The following AK9 variants were observed in gnomAD, a reference collection of about 807,000 sequenced individuals.
AK9 encodes adenylate kinase 9.
A neutral mutation model predicts 239.6 loss-of-function variants in AK9; 191 were observed. The observed-to-expected ratio is 0.80, with a 90% CI of 0.71 to 0.90. The LOEUF (loss-of-function observed/expected upper bound fraction) is 0.90. Among genes scored for constraint, AK9 ranks in the 40% least tolerant of loss-of-function variants. AK9 has a pLI of 0.00. For synonymous variants in AK9, 689 were observed against 721.0 expected (o/e 0.96, Z 0.71); for missense variants, 1,995 against 2,214.7 (o/e 0.90, Z 1.99).
At chr6:109,549,288 C>G (rs888676605) in intron 25 of AK9, among the ~76,000 whole-genome samples, 32 of 152,234 alleles carry the variant, frequency 2.1e-4, no homozygotes, top group African/African-American at 7.7e-4. Context: ...TCAGGATGGA[C>G]TTACCCCTAT....
In AK9 at chr6:109,551,517, C is replaced by CAAA. The variant is rs34978650; in HGVS notation, c.2752-1218_2752-1216dup. Among the ~76,000 whole-genome samples, 117 of 123,820 alleles carry CAAA rather than the reference C, an allele frequency of 9.4e-4. 1 individual carries two copies. The highest frequency in any genetic ancestry group is 3.5e-3 in the African/African-American group (112 of 32,358). The allele number at this position is 123,820 out of a possible 152,430, so 81.2% of individuals were successfully genotyped here. ...AGGGTGACAGAGTGAGACTCCATCT[C>CAAA]AAAAAAAAAAAAAAAATGCAAGCTT... On this transcript the variant is annotated intron_variant, in intron 24 of 40. Transcript: ENST00000424296.
In AK9 at chr6:109,586,038, G is replaced by A. The variant is rs764386967; in HGVS notation, c.1877C>T (p.Ala626Val). The A allele has an allele frequency of 1.4e-5, 21 of 1,550,890 alleles. No homozygotes were observed. Among genetic ancestry groups the A allele is most frequent in the African/African-American group, 6.9e-5 (5 of 72,974 alleles). The change falls in exon 18 of 41, where the codon GCC becomes GTC. Residue 626 changes from alanine (A) to valine (V), a missense_variant. This residue lies in a region of AK9 where 1,290 missense variants were observed against 1,392.7 expected (regional missense o/e 0.93). Coordinates refer to ENST00000424296, the MANE Select transcript of AK9 (RefSeq NM_001145128.3). ...MEENKDRFPG[A>V]PKYGGWIVDN... ...CACAATCCAGCCTCCATATTTTGGGGCACCAGGAAACCTATCCTTGTTTTC... is the reference window on the plus strand; with the variant it reads ...CACAATCCAGCCTCCATATTTTGGGACACCAGGAAACCTATCCTTGTTTTC...
At chr6:109,581,720 G>A (rs1220958303) in intron 19 of AK9, among the ~76,000 whole-genome samples, 1 of 152,202 alleles carries the variant, frequency 6.6e-6, no homozygotes, top group Non-Finnish European at 1.5e-5. Flanking sequence ...GCTGCAATAA[G>A]TTATTTAGAA....
chr6:109,562,917 AGAATCT>A (rs1172097563), intron 24 of AK9, among the ~76,000 whole-genome samples: 2 of 152,198 alleles, frequency 1.3e-5, no homozygotes, highest in Non-Finnish European at 2.9e-5. Flanking sequence ...ATGAAAGAAA[AGAATCT>A]GAATCTGAGT....
chr6:109,658,673 T>C (rs1800022823), intron 7 of AK9, among the ~76,000 whole-genome samples: 1 of 152,182 alleles, frequency 6.6e-6, no homozygotes, highest in Non-Finnish European at 1.5e-5. Flanking sequence ...ATATATTTAA[T>C]TAAATATATT....
At chr6:109,557,113 C>T (rs1326353562) in intron 24 of AK9, among the ~76,000 whole-genome samples, 4 of 152,042 alleles carry the variant, frequency 2.6e-5, no homozygotes, top group Admixed American at 6.6e-5. Context: ...TTTCTATCTT[C>T]GTGAGTTTGT....
At chr6:109,638,205 C>T (rs1796956212) in intron 10 of AK9, among the ~76,000 whole-genome samples, 1 of 152,160 alleles carries the variant, frequency 6.6e-6, no homozygotes, top group African/African-American at 2.4e-5. Flanking sequence ...AAATTTCCTG[C>T]AGGTTTTATA....
Position 109,497,503 on chromosome 6 carries a change from A to G in AK9, c.5277T>C (p.Tyr1759=), listed in dbSNP as rs9487128. The G allele has an allele frequency of 5.3e-3, 8,472 of 1,608,172 alleles. 397 individuals carry two copies. The African/African-American group carries it at 0.1, about 19-fold the overall frequency. ...GGAGTTTTTCTTTGTTCTCACAAAT[A>G]TATATACGATTATGATATTCTAAAG... ...NYALEYHNRI[Y]ICENKEKLQK... Residue 1759 remains tyrosine, a synonymous_variant, in exon 38 of 41, where the codon TAT becomes TAC. Coordinates refer to ENST00000424296, the MANE Select transcript of AK9 (RefSeq NM_001145128.3).
At chr6:109,563,487 C>T in intron 24 of AK9, 110 bp downstream of exon 24, 4 of 1,439,732 alleles carry the variant, frequency 2.8e-6, no homozygotes, top group Non-Finnish European at 3.7e-6. Context: ...AATGTGTGTG[C>T]AAATGAGAAT....
chr6:109,557,405 G>A (rs1355487607), intron 24 of AK9, among the ~76,000 whole-genome samples: 1 of 152,128 alleles, frequency 6.6e-6, no homozygotes, highest in Non-Finnish European at 1.5e-5. Flanking sequence ...ACACCAACCT[G>A]ATGCCAGTAG....
intron 29 of AK9, among the ~76,000 whole-genome samples, chr6:109,527,207 T>G (rs1467406617): frequency 6.6e-6 from 1 of 152,102 alleles, no homozygotes; most frequent in Non-Finnish European, 1.5e-5. Flanking sequence ...TGGCGACATT[T>G]CCCTATGAAA....
intron 27 of AK9, among the ~76,000 whole-genome samples, chr6:109,540,838 A>G (rs935607691): frequency 1.3e-5 from 2 of 152,056 alleles, no homozygotes; most frequent in African/African-American, 4.8e-5. Flanking sequence ...CTTTACCTCT[A>G]CACCCAACCT....
chr6:109,672,475 A>C (rs1396983996), intron 3 of AK9, among the ~76,000 whole-genome samples: 1 of 152,096 alleles, frequency 6.6e-6, no homozygotes, highest in Non-Finnish European at 1.5e-5. Flanking sequence ...TTGAGCCCAG[A>C]AGTTTGAGAC....
chr6:109,580,269 G>T (rs1788660506), intron 19 of AK9, among the ~76,000 whole-genome samples: 1 of 152,100 alleles, frequency 6.6e-6, no homozygotes, highest in Non-Finnish European at 1.5e-5. Context: ...AACCTGGGGG[G>T]AATCTGTTTT....
chr6:109,583,193 A>G (rs1289807080), intron 19 of AK9, among the ~76,000 whole-genome samples: 1 of 152,082 alleles, frequency 6.6e-6, no homozygotes, highest in Non-Finnish European at 1.5e-5. Flanking sequence ...GCTCTTTGTG[A>G]CATCTTCCTT....
intron 38 of AK9, among the ~76,000 whole-genome samples, chr6:109,496,680 A>G (rs11754455): frequency 0.37 from 56,837 of 151,626 alleles, 10,676 homozygotes; most frequent in South Asian, 0.44. Flanking sequence ...ACATTCATGC[A>G]TTGGTGTTTC....
chr6:109,632,979 G>C lies in AK9; in HGVS notation c.1198C>G (p.Gln400Glu). The C allele has an allele frequency of 6.2e-7, 1 of 1,612,786 alleles. No homozygotes were observed. Among genetic ancestry groups the C allele is most frequent in the Non-Finnish European group, 8.5e-7 (1 of 1,179,556 alleles). ...PPCKVFILGP[Q>E]YSGKTTLCNM... ...CAAAGTGTTGTTTTCCCTGAATATT[G>C]AGGTCCAAGTATGAATACTTTACAT... The change falls in exon 12 of 41, where the codon CAA becomes GAA. Residue 400 changes from glutamine to glutamate, a missense_variant. Coordinates refer to ENST00000424296, the MANE Select transcript of AK9 (RefSeq NM_001145128.3).
At chr6:109,683,375 C>T (rs935457330) in intron 1 of AK9, among the ~76,000 whole-genome samples, 1 of 152,154 alleles carries the variant, frequency 6.6e-6, no homozygotes, top group African/African-American at 2.4e-5. Flanking sequence ...TCCTATTCAA[C>T]ACAGTATTGG....
chr6:109,513,726 T>C (rs1440394863), intron 32 of AK9, among the ~76,000 whole-genome samples: 1 of 152,178 alleles, frequency 6.6e-6, no homozygotes, highest in Admixed American at 6.5e-5. Context: ...GAAAGTCACA[T>C]AGCAGTAGTT....
Sources: gnomAD v4.1 joint callset for allele counts (sites outside exome capture counted in the v4.1 genomes callset) on GRCh38, gnomAD v4.1.1 for gene constraint, gnomAD v4.1.1 regional missense constraint, MANE v1.5 for transcripts, NCBI Gene and HGNC (gene_info 2026-07-23, HGNC 2026-07-21) for gene names.